The following RBPMS variants were observed in gnomAD, a reference collection of about 807,000 sequenced individuals.
RBPMS encodes the protein RNA binding protein, mRNA processing factor, also known as RNA-binding protein with multiple splicing.
RBPMS carries 7 observed loss-of-function variants against 26.8 expected under a neutral mutation model. That is an observed-to-expected ratio of 0.26 (90% CI 0.15 to 0.49). The LOEUF is 0.49. Ranked by LOEUF, RBPMS falls within the 20% of genes least tolerant of loss-of-function variation. RBPMS has a pLI of 0.98. For synonymous variants in RBPMS, 96 were observed against 93.3 expected (o/e 1.03, Z -0.17); for missense variants, 186 against 250.0 (o/e 0.74, Z 1.73).
rs150713133 is a variant in RBPMS, at chr8:30,544,127, T to C, written c.398-367T>C. Among the ~76,000 whole-genome samples the C allele has an allele frequency of 9.5e-4, 144 of 152,320 alleles. 1 individual carries two copies. Among genetic ancestry groups the C allele is most frequent in the African/African-American group, 3.4e-3 (140 of 41,576 alleles). ...TGCAGTGGGTTCTCATGGGATGTCTTTCATTGGTTCTTTCTCTCCCTTTTC... is the reference window on the plus strand; with the variant it reads ...TGCAGTGGGTTCTCATGGGATGTCTCTCATTGGTTCTTTCTCTCCCTTTTC... On this transcript the variant is annotated intron_variant, in intron 5 of 8. Coordinates refer to ENST00000397323, the MANE Select transcript of RBPMS (RefSeq NM_001008710.3).
chr8:30,520,665 T>A (rs964868246), intron 5 of RBPMS, among the ~76,000 whole-genome samples: 3 of 152,182 alleles, frequency 2.0e-5, no homozygotes, highest in Admixed American at 2.0e-4. Context: ...GCTATTTATC[T>A]GGTTAAAGCA....
chr8:30,420,592 A>G (rs1810653240), intron 1 of RBPMS, among the ~76,000 whole-genome samples: 1 of 152,226 alleles, frequency 6.6e-6, no homozygotes, highest in Admixed American at 6.5e-5. Flanking sequence ...GGTCAGTTGA[A>G]GTGTTTCTCA....
intron 4 of RBPMS, among the ~76,000 whole-genome samples, chr8:30,485,996 A>C (rs1818726943): frequency 6.6e-6 from 1 of 152,210 alleles, no homozygotes; most frequent in African/African-American, 2.4e-5. Flanking sequence ...AAGAAGAGTA[A>C]GTTGGTTATT....
intron 5 of RBPMS, among the ~76,000 whole-genome samples, chr8:30,511,471 GAAAAAA>G (rs1188894079): frequency 1.7e-3 from 19 of 11,184 alleles, no homozygotes; most frequent in South Asian, 7.9e-3. Context: ...AACAAAAAAA[GAAAAAA>G]AAAAAAAAAA....
intron 1 of RBPMS, among the ~76,000 whole-genome samples, chr8:30,386,134 T>C (rs1807044034): frequency 6.6e-6 from 1 of 151,078 alleles, no homozygotes; most frequent in South Asian, 2.1e-4. Flanking sequence ...AGTGCACGTC[T>C]AAATATGACC....
At chr8:30,468,560 G>A (rs920510932) in intron 1 of RBPMS, among the ~76,000 whole-genome samples, 3 of 152,096 alleles carry the variant, frequency 2.0e-5, no homozygotes. Flanking sequence ...CAGCTGAACT[G>A]TTTACAAGCA....
chr8:30,445,331 A>G (rs1813605695), intron 1 of RBPMS: 1 of 152,184 alleles, frequency 6.6e-6, no homozygotes, highest in Non-Finnish European at 1.5e-5. Flanking sequence ...ACTCTGAAGG[A>G]CAAAGTTAAA....
At chr8:30,491,570 C>G (rs1819397457) in intron 4 of RBPMS, among the ~76,000 whole-genome samples, 1 of 152,052 alleles carries the variant, frequency 6.6e-6, no homozygotes, top group South Asian at 2.1e-4. Context: ...TATGTCTGAT[C>G]TTTAAATAGA....
intron 1 of RBPMS, among the ~76,000 whole-genome samples, chr8:30,427,174 A>C (rs1036807450): frequency 3.2e-4 from 48 of 152,196 alleles, no homozygotes; most frequent in Admixed American, 1.6e-3. Flanking sequence ...TATTGTTCTT[A>C]ATGTCTTGTT....
chr8:30,534,291 T>C (rs1300082036), intron 5 of RBPMS, among the ~76,000 whole-genome samples: 1 of 152,106 alleles, frequency 6.6e-6, no homozygotes. Flanking sequence ...TCACTAAAAC[T>C]CTCCAAGCAT....
At chr8:30,462,423 TTTG>T (rs1337299851) in intron 1 of RBPMS, among the ~76,000 whole-genome samples, 14 of 149,270 alleles carry the variant, frequency 9.4e-5, no homozygotes, top group East Asian at 3.9e-4. Context: ...TACTTTTTTG[TTTG>T]TTTGTTTGTT....
chr8:30,440,177 A>G (rs753702545), intron 1 of RBPMS, among the ~76,000 whole-genome samples: 3 of 152,128 alleles, frequency 2.0e-5, no homozygotes, highest in Non-Finnish European at 4.4e-5. Flanking sequence ...GCCTCAAGCA[A>G]TCCTCCTTCC....
intron 6 of RBPMS, chr8:30,547,635 A>T (rs1585842550): frequency 1.7e-6 from 1 of 574,054 alleles, no homozygotes; most frequent in Non-Finnish European, 2.8e-6. Context: ...TATTTTACAT[A>T]GAAGGACTCA....
At chr8:30,548,660 C>T (rs1268500897) in intron 6 of RBPMS, among the ~76,000 whole-genome samples, 2 of 152,064 alleles carry the variant, frequency 1.3e-5, no homozygotes, top group Non-Finnish European at 2.9e-5. Flanking sequence ...AAAATAAATA[C>T]AGAAGTGGAC....
chr8:30,542,670 C>T (rs1166551800), intron 5 of RBPMS, among the ~76,000 whole-genome samples: 5 of 152,202 alleles, frequency 3.3e-5, no homozygotes, highest in African/African-American at 7.2e-5. Context: ...ATAGCCTGGT[C>T]GCTAAACAAC....
intron 8 of RBPMS, among the ~76,000 whole-genome samples, chr8:30,567,414 G>A (rs536912225): frequency 6.6e-6 from 1 of 152,308 alleles, no homozygotes; most frequent in East Asian, 1.9e-4. Flanking sequence ...CCTGTTTCTT[G>A]CACTAACCCA....
At chr8:30,507,460 C>A (rs1166964568) in intron 5 of RBPMS, among the ~76,000 whole-genome samples, 2 of 152,136 alleles carry the variant, frequency 1.3e-5, no homozygotes, top group African/African-American at 4.8e-5. Context: ...CTAATAGTTA[C>A]AGCAGATATT....
chr8:30,532,413 T>C (rs1824321072), intron 5 of RBPMS, among the ~76,000 whole-genome samples: 1 of 152,240 alleles, frequency 6.6e-6, no homozygotes, highest in South Asian at 2.1e-4. Context: ...CAGTTACTAA[T>C]GTTACTGTTG....
At chr8:30,541,352 T>G (rs1825374629) in intron 5 of RBPMS, among the ~76,000 whole-genome samples, 1 of 152,206 alleles carries the variant, frequency 6.6e-6, no homozygotes, top group Non-Finnish European at 1.5e-5. Flanking sequence ...CCAGTCCTTG[T>G]TTTTCAGAAT....
Sources: gnomAD v4.1 joint callset for allele counts (sites outside exome capture counted in the v4.1 genomes callset) on GRCh38, gnomAD v4.1.1 for gene constraint, MANE v1.5 for transcripts, NCBI Gene and HGNC (gene_info 2026-07-23, HGNC 2026-07-21) for gene names.